The following EARS2 variants were observed in gnomAD, a reference collection of about 807,000 sequenced individuals.
EARS2 encodes glutamyl-tRNA synthetase 2, mitochondrial.
In EARS2, 50 loss-of-function variants were observed where a neutral mutation model predicts 54.1. The observed-to-expected ratio is 0.92, with a 90% confidence interval of 0.74 to 1.17. EARS2 has a LOEUF of 1.17. Ranked by LOEUF, EARS2 falls within the 50% of genes most tolerant of loss-of-function variation. The pLI is 0.00. For synonymous variants in EARS2, 298 were observed against 281.0 expected (o/e 1.06, Z -0.61); for missense variants, 673 against 675.0 (o/e 1.00, Z 0.03).
rs546796376 is a variant in EARS2 at position 23,539,360 on chromosome 16, C to T, written c.486-4000G>A. ...AATCCATACTTGATCTGTTCTTTTC[C>T]AACCAAATGTCTAGGCTTGACTTTT... On this transcript the variant is annotated intron_variant, in intron 3 of 8. Transcript: ENST00000449606. Among the ~76,000 whole-genome samples, 4 of 152,148 alleles carry T rather than the reference C, an allele frequency of 2.6e-5. No homozygotes were observed. In the East Asian group the frequency reaches 7.7e-4, roughly 29 times the overall value.
At position 23,523,382 on chromosome 16, in the gene EARS2, G is replaced by T. The variant is rs994876338; in HGVS notation, c.*989C>A. 1 of 152,262 alleles carries T rather than the reference G, an allele frequency of 6.6e-6. No individual in the cohort carries two copies. The highest frequency in any genetic ancestry group is 1.5e-5 in the Non-Finnish European group (1 of 68,046). 9.4% of individuals were successfully genotyped at this position (152,262 alleles called of 1,614,324 possible). On this transcript the variant is annotated 3_prime_UTR_variant, in exon 9 of 9. Coordinates refer to ENST00000449606, the MANE Select transcript of EARS2 (RefSeq NM_001083614.2). The stretch of plus-strand genomic sequence containing the variant: ...AAGAGAAAGCCACAAAATAGGAAGG[G>T]TGAAGGTCTCCAGTCCAAGGACCAG...
chr16:23,537,197 G>A (rs536590053), intron 3 of EARS2: 19 of 172,872 alleles, frequency 1.1e-4, no homozygotes, highest in Non-Finnish European at 2.3e-4. Flanking sequence ...GCAAAACTTT[G>A]GGAGCTCTGT....
rs1180973921 is a variant in EARS2, at chr16:23,529,898, C to T, written c.1068-1G>A. The T allele has an allele frequency of 1.2e-6, 2 of 1,613,880 alleles. No individual in the cohort carries two copies. The highest frequency in any genetic ancestry group is 8.5e-7 in the Non-Finnish European group (1 of 1,179,988). On this transcript the variant is annotated splice_acceptor_variant, in intron 5 of 8. Coordinates refer to ENST00000449606, the MANE Select transcript of EARS2 (RefSeq NM_001083614.2). LOFTEE classifies it high-confidence loss of function. ...GCTCACCAGCCGCTGGAGGTGCAGT[C>T]TGCGGAAGAAATCAAGGGGCTGCCC...
intron 3 of EARS2, among the ~76,000 whole-genome samples, chr16:23,539,394 A>G (rs1293545823): frequency 6.6e-6 from 1 of 152,084 alleles, no homozygotes. Flanking sequence ...TTCCACCCCA[A>G]TGACATTTCA....
rs1261148278 is a variant in EARS2 at position 23,529,584 on chromosome 16, G to A, written c.1270C>T (p.Leu424=). The change falls in exon 7 of 9, where the codon CTG becomes TTG. Residue 424 remains leucine (L), a synonymous_variant. Coordinates refer to ENST00000449606, the MANE Select transcript of EARS2 (RefSeq NM_001083614.2). ...QDLVSPVYSY[L]WTRPAVGRAQ... Reference sequence around the variant, plus strand: ...CGACCTACTGCAGGGCGAGTCCACAGGTAAGAGTATACTGGGGACACCAAG... The same window carrying A: ...CGACCTACTGCAGGGCGAGTCCACAAGTAAGAGTATACTGGGGACACCAAG... 3 of 1,614,180 alleles carry A rather than the reference G, an allele frequency of 1.9e-6. No individual in the cohort carries two copies. The highest frequency in any genetic ancestry group is 1.7e-5 in the Admixed American group (1 of 60,018).
Position 23,523,803 on chromosome 16 carries a change from C to T in EARS2, c.*568G>A, listed in dbSNP as rs1234552807. 2.1e-5 allele frequency: 3 copies of T among 143,292 alleles called. No individual in the cohort carries two copies. Among genetic ancestry groups the T allele is most frequent in the African/African-American group, 5.3e-5 (2 of 37,718 alleles). The allele number at this position is 143,292 out of a possible 1,614,324, so 8.9% of individuals were successfully genotyped here. ...GTTAAAATCCAGTCCAACTGGTGTT[C>T]TTAGAAGAGGAACGTTGGGCACATA... On this transcript the variant is annotated 3_prime_UTR_variant, in exon 9 of 9. Transcript: ENST00000449606.
rs191528023 is a variant in EARS2 at position 23,532,873 on chromosome 16, T to C, written c.959-108A>G. 4 of 718,126 alleles carry C rather than the reference T, an allele frequency of 5.6e-6. No homozygotes were observed. The Admixed American group carries it at 9.7e-5, about 17-fold the overall frequency. 44.5% of individuals were successfully genotyped at this position (718,126 alleles called of 1,614,324 possible). A position where few individuals can be genotyped will look rare whatever the true frequency, so the allele number is the denominator to read the frequency against. On this transcript the variant is annotated intron_variant, in intron 4 of 8. Coordinates refer to ENST00000449606, the MANE Select transcript of EARS2 (RefSeq NM_001083614.2). ...TCTTGCTCTGCTGCCCAGGTTGGAG[T>C]GCAATGGTACAATCCTAGCTCACTG...
intron 3 of EARS2, among the ~76,000 whole-genome samples, chr16:23,540,654 T>C (rs778240554): frequency 2.6e-4 from 40 of 152,238 alleles, no homozygotes; most frequent in Non-Finnish European, 4.3e-4. Context: ...CATAAAGGTT[T>C]GGGCTGAGCG....
At position 23,529,524 on chromosome 16, in the gene EARS2, C is replaced by T. The variant is rs1243423957; in HGVS notation, c.1330G>A (p.Val444Met). 3 of 1,613,966 alleles carry T rather than the reference C, an allele frequency of 1.9e-6. No homozygotes were observed. The highest frequency in any genetic ancestry group is 1.3e-5 in the African/African-American group (1 of 74,938). The stretch of plus-strand genomic sequence containing the variant: ...CACCCCAGCACACGCTTGGCAATCA[C>T]ATCCACCTTCTCCGAGATGGCGTCC... The part of the protein sequence containing the change: ...QLDAISEKVD[V>M]IAKRVLGLLE... Residue 444 changes from valine (V) to methionine (M), a missense_variant, in exon 7 of 9, where the codon GTG becomes ATG. Coordinates refer to ENST00000449606, the MANE Select transcript of EARS2 (RefSeq NM_001083614.2).
At chr16:23,539,793 G>A (rs998148455) in intron 3 of EARS2, among the ~76,000 whole-genome samples, 12 of 151,812 alleles carry the variant, frequency 7.9e-5, no homozygotes, top group South Asian at 6.2e-4. Context: ...TGGGAAGATC[G>A]CTTGAGTTTC....
chr16:23,532,496 T>C (rs752806026), intron 5 of EARS2, 161 bp downstream of exon 5: 30 of 551,800 alleles, frequency 5.4e-5, no homozygotes, highest in Non-Finnish European at 3.3e-6. Flanking sequence ...CTGTTATTAA[T>C]CCCATTTTAG....
upstream of EARS2, chr16:23,557,375 C>G: frequency 6.5e-7 from 1 of 1,536,450 alleles, no homozygotes; most frequent in Non-Finnish European, 8.7e-7. Flanking sequence ...GGGCTTCTCC[C>G]TGCGTCACTT....
At chr16:23,525,129 A>G (rs1965203089) in intron 8 of EARS2, 115 bp downstream of exon 8, 1 of 1,405,258 alleles carries the variant, frequency 7.1e-7, no homozygotes, top group Non-Finnish European at 1.0e-6. Context: ...GGGAGTGATC[A>G]TGTTTCATTC....
rs1284518006 is a variant in EARS2, at chr16:23,520,887, G to A, written c.*3484C>T. ...CACTGCAACCTCCCGTTCTGTGGGG[G>A]TTCAAGTAATTCCTGTGCCTCAGCC... On this transcript the variant is annotated 3_prime_UTR_variant, in exon 9 of 9. Coordinates refer to ENST00000449606, the MANE Select transcript of EARS2 (RefSeq NM_001083614.2). Among the ~76,000 whole-genome samples, 1 of 152,126 alleles carries A rather than the reference G, an allele frequency of 6.6e-6. No homozygotes were observed. Among genetic ancestry groups the A allele is most frequent in the East Asian group, 1.9e-4 (1 of 5,190 alleles).
chr16:23,550,547 C>T (rs767477575), intron 2 of EARS2, among the ~76,000 whole-genome samples: 39 of 148,742 alleles, frequency 2.6e-4, no homozygotes, highest in Non-Finnish European at 5.0e-4. Flanking sequence ...ACGCCATTCT[C>T]CTGCCTCAGC....
chr16:23,538,260 C>G (rs1361408393), intron 3 of EARS2, among the ~76,000 whole-genome samples: 1 of 151,904 alleles, frequency 6.6e-6, no homozygotes, highest in Non-Finnish European at 1.5e-5. Context: ...TAGCCTCTGC[C>G]TCCCAGGCTC....
Position 23,535,207 on chromosome 16 carries a change from C to A in EARS2, c.639G>T (p.Val213=), listed in dbSNP as rs769002778. 6.2e-7 allele frequency: 1 copy of A among 1,613,598 alleles called. No homozygotes were observed. The highest frequency in any genetic ancestry group is 8.5e-7 in the Non-Finnish European group (1 of 1,180,036). The change falls in exon 4 of 9, where the codon GTG becomes GTT. Residue 213 remains valine, a synonymous_variant. Transcript: ENST00000449606. ...YGWNRHEVAS[V]EGDPVIMKSD... is the part of the protein sequence containing the mutation. Reference sequence around the variant, plus strand: ...TCTTCATGATGACTGGGTCTCCCTCCACGCTGGCCACTTCATGCCTATTCC... The same window carrying A: ...TCTTCATGATGACTGGGTCTCCCTCAACGCTGGCCACTTCATGCCTATTCC...
In EARS2 at chr16:23,522,860, T is replaced by C. The variant is rs1364826290; in HGVS notation, c.*1511A>G. Reference sequence around the variant, plus strand: ...TCAGCTAGGATTGCGGTCATGTGAATGCTTGGCTGGAATTGAAGGACCAGC... The same window carrying C: ...TCAGCTAGGATTGCGGTCATGTGAACGCTTGGCTGGAATTGAAGGACCAGC... On this transcript the variant is annotated 3_prime_UTR_variant, in exon 9 of 9. Transcript: ENST00000449606. 1.3e-5 allele frequency: 2 copies of C among 152,186 alleles called. No individual in the cohort carries two copies. The highest frequency in any genetic ancestry group is 3.8e-4 in the East Asian group (2 of 5,196). The allele number at this position is 152,186 out of a possible 1,614,324, so 9.4% of individuals were successfully genotyped here. A position where few individuals can be genotyped will look rare whatever the true frequency, so the allele number is the denominator to read the frequency against.
chr16:23,534,268 T>C (rs1408952024), intron 4 of EARS2, among the ~76,000 whole-genome samples: 15 of 152,186 alleles, frequency 9.9e-5, no homozygotes, highest in Admixed American at 7.9e-4. Context: ...CTTAATAGTA[T>C]GTTGTGTTAA....
Sources: allele counts gnomAD v4.1 joint callset (sites outside exome capture counted in the v4.1 genomes callset), GRCh38; gene constraint gnomAD v4.1.1; transcripts MANE v1.5; gene names NCBI Gene and HGNC (gene_info 2026-07-23, HGNC 2026-07-21).